EPB41L1: variants seen among roughly 807,000 people sequenced by gnomAD.
The protein encoded by EPB41L1 is band 4.1-like protein 1.
A neutral mutation model predicts 97.8 loss-of-function variants in EPB41L1; 29 were observed. The observed-to-expected ratio is 0.30, with a 90% CI of 0.22 to 0.40. The LOEUF (loss-of-function observed/expected upper bound fraction) is 0.40. Ranked by LOEUF, EPB41L1 falls within the 10% of genes least tolerant of loss-of-function variation. The pLI, the probability that EPB41L1 is intolerant of heterozygous loss-of-function variation, is 1.00. For synonymous variants in EPB41L1, 383 were observed against 459.2 expected (o/e 0.83, Z 2.12); for missense variants, 812 against 1,162.3 (o/e 0.70, Z 4.38).
At chr20:36,155,306 T>A in intron 1 of EPB41L1, 1 of 389,266 alleles carries the variant, frequency 2.6e-6, no homozygotes, top group Non-Finnish European at 5.1e-6. Flanking sequence ...GCCCTTGCCC[T>A]CATCTCTCCT....
intron 2 of EPB41L1, among the ~76,000 whole-genome samples, chr20:36,138,482 C>T (rs530373064): frequency 5.7e-4 from 87 of 151,892 alleles, no homozygotes; most frequent in South Asian, 1.9e-3. Flanking sequence ...AGGCTGGTCT[C>T]GACTCCCAGC....
intron 1 of EPB41L1, among the ~76,000 whole-genome samples, chr20:36,160,173 T>C (rs1488308831): frequency 6.6e-6 from 1 of 152,162 alleles, no homozygotes; most frequent in Non-Finnish European, 1.5e-5. Flanking sequence ...AGGTAGAAAA[T>C]GGAGTTCCAG....
chr20:36,222,573 T>C (rs2063847274), intron 21 of EPB41L1, among the ~76,000 whole-genome samples, 179 bp downstream of exon 21: 1 of 151,762 alleles, frequency 6.6e-6, no homozygotes, highest in Admixed American at 6.6e-5. Context: ...GAGATACAAG[T>C]CGGTGGGGAG....
intron 14 of EPB41L1, among the ~76,000 whole-genome samples, chr20:36,198,821 C>T (rs2062344812): frequency 6.6e-6 from 1 of 152,124 alleles, no homozygotes; most frequent in African/African-American, 2.4e-5. Flanking sequence ...TAGACTTGCA[C>T]TGCCTGGGTT....
At chr20:36,127,213 T>G (rs117857322) in intron 2 of EPB41L1, among the ~76,000 whole-genome samples, 1 of 152,140 alleles carries the variant, frequency 6.6e-6, no homozygotes, top group Non-Finnish European at 1.5e-5. Context: ...CCCCTTCTTA[T>G]GAGAAAAGGA....
chr20:36,155,033 G>A, intron 1 of EPB41L1, 137 bp downstream of exon 1: 1 of 833,884 alleles, frequency 1.2e-6, no homozygotes, highest in Non-Finnish European at 1.7e-6. Context: ...GCCAGTGTGG[G>A]GGAGGGTCTC....
At chr20:36,214,786 C>T (rs1172462006) in intron 17 of EPB41L1, among the ~76,000 whole-genome samples, 1 of 151,988 alleles carries the variant, frequency 6.6e-6, no homozygotes, top group African/African-American at 2.4e-5. Flanking sequence ...GCTCATCTCA[C>T]CTCCACTCTG....
At chr20:36,184,966 A>G in intron 6 of EPB41L1, 151 bp from the exon 7 acceptor site, 1 of 735,476 alleles carries the variant, frequency 1.4e-6, no homozygotes, top group Non-Finnish European at 2.3e-6. Context: ...CTCATGAGAC[A>G]TACCCAGATT....
Position 36,230,769 on chromosome 20 carries a change from TC to T in EPB41L1, c.*1430del, listed in dbSNP as rs1249353644. ...TGGTTTTCAGTCTTCTCTCTCTTTC[TC>T]TCTTTTTTTTTTTTTTGCCACATTC... On this transcript the variant is annotated 3_prime_UTR_variant, in exon 22 of 22. Coordinates refer to ENST00000338074, the MANE Select transcript of EPB41L1 (RefSeq NM_012156.2). 2 of 150,680 alleles carry T rather than the reference TC, an allele frequency of 1.3e-5. No homozygotes were observed. The highest frequency in any genetic ancestry group is 4.9e-5 in the African/African-American group (2 of 40,782). 9.3% of individuals were successfully genotyped at this position (150,680 alleles called of 1,614,324 possible). A position where few individuals can be genotyped will look rare whatever the true frequency, so the allele number is the denominator to read the frequency against.
intron 2 of EPB41L1, among the ~76,000 whole-genome samples, chr20:36,129,585 C>G (rs1484880812): frequency 6.6e-6 from 1 of 152,130 alleles, no homozygotes; most frequent in Admixed American, 6.5e-5. Flanking sequence ...AGCACTCCCT[C>G]TCCTTGGTCT....
chr20:36,176,089 G>A (rs1437182692), intron 3 of EPB41L1, among the ~76,000 whole-genome samples: 1 of 152,140 alleles, frequency 6.6e-6, no homozygotes, highest in Non-Finnish European at 1.5e-5. Flanking sequence ...TTATATACTG[G>A]GTGGAGAGAG....
chr20:36,140,929 G>A (rs995095467), intron 2 of EPB41L1, among the ~76,000 whole-genome samples: 31 of 152,294 alleles, frequency 2.0e-4, no homozygotes, highest in African/African-American at 5.3e-4. Context: ...TAAGATTTCC[G>A]AGGAGGCAGC....
chr20:36,198,093 G>A, intron 14 of EPB41L1, 52 bp downstream of exon 14: 1 of 1,531,070 alleles, frequency 6.5e-7, no homozygotes. Flanking sequence ...AGAGACATTG[G>A]GTTGCTGCAT....
intron 1 of EPB41L1, among the ~76,000 whole-genome samples, chr20:36,172,214 G>C (rs2061022428): frequency 6.6e-6 from 1 of 152,116 alleles, no homozygotes; most frequent in African/African-American, 2.4e-5. Flanking sequence ...CAGTAGCTGG[G>C]ATTACAGGCA....
At chr20:36,132,570 G>GGA (rs1194525350) in intron 2 of EPB41L1, among the ~76,000 whole-genome samples, 1 of 124,508 alleles carries the variant, frequency 8.0e-6, no homozygotes, top group Non-Finnish European at 1.7e-5. Context: ...TTGTGGGCGG[G>GGA]GGGGGGGGGC....
At chr20:36,196,855 T>C (rs1600882514) in intron 13 of EPB41L1, among the ~76,000 whole-genome samples, 1 of 152,220 alleles carries the variant, frequency 6.6e-6, no homozygotes, top group South Asian at 2.1e-4. Flanking sequence ...TTTTGGCAGG[T>C]CCCTGCCAGC....
chr20:36,219,970 C>G, intron 19 of EPB41L1, 126 bp downstream of exon 19: 1 of 863,522 alleles, frequency 1.2e-6, no homozygotes, highest in Non-Finnish European at 1.9e-6. Context: ...TTACCAGCTT[C>G]TGGAATACTG....
At chr20:36,134,776 C>T (rs544572161) in intron 2 of EPB41L1, among the ~76,000 whole-genome samples, 1 of 151,506 alleles carries the variant, frequency 6.6e-6, no homozygotes, top group Admixed American at 6.6e-5. Flanking sequence ...GAAGCAATGG[C>T]TGCACGTCTG....
chr20:36,219,731 C>A (rs1165977834), intron 18 of EPB41L1, 30 bp from the exon 19 acceptor site: 12 of 1,609,306 alleles, frequency 7.5e-6, no homozygotes, highest in Non-Finnish European at 1.0e-5. Context: ...TTACCTGACA[C>A]CCTGGGTGGG....
Sources: gnomAD v4.1 joint callset for allele counts (sites outside exome capture counted in the v4.1 genomes callset) on GRCh38, gnomAD v4.1.1 for gene constraint, MANE v1.5 for transcripts, NCBI Gene and HGNC (gene_info 2026-07-23, HGNC 2026-07-21) for gene names.